The following RP1 variants were observed in gnomAD, a reference collection of about 807,000 sequenced individuals.
RP1 encodes the protein oxygen-regulated protein 1.
Under a neutral mutation model 14.8 loss-of-function variants are expected in RP1, and 16 were observed. The observed-to-expected ratio is 1.08, with a 90% CI of 0.73 to 1.65. RP1 has a LOEUF of 1.65. Ranked by LOEUF, RP1 falls within the 40% of genes most tolerant of loss-of-function variation. The pLI is 0.00. For missense variants in RP1, 2,631 were observed against 2,535.0 expected, an observed-to-expected ratio of 1.04 and a Z score of -0.81; for synonymous variants, 876 against 883.6, an observed-to-expected ratio of 0.99 and a Z score of 0.15.
At chr8:54,789,883 C>T (rs1810418679) in intron 24 of RP1, among the ~76,000 whole-genome samples, 1 of 152,170 alleles carries the variant, frequency 6.6e-6, no homozygotes, top group Admixed American at 6.5e-5. Context: ...AGCCTTGACC[C>T]TACCCAATTG....
upstream of RP1, among the ~76,000 whole-genome samples, chr8:54,615,226 C>A (rs986770605): frequency 1.3e-5 from 2 of 152,168 alleles, no homozygotes; most frequent in Non-Finnish European, 2.9e-5. Context: ...AGGTGGCCTG[C>A]AACAAAGTCA....
At chr8:54,738,235 A>T (rs1808986734) in intron 18 of RP1, among the ~76,000 whole-genome samples, 1 of 152,234 alleles carries the variant, frequency 6.6e-6, no homozygotes. Context: ...AATTGAAGAT[A>T]AGAGAAGTAA....
chr8:54,707,472 A>G (rs1057310966), intron 15 of RP1, among the ~76,000 whole-genome samples: 1 of 152,210 alleles, frequency 6.6e-6, no homozygotes, highest in Non-Finnish European at 1.5e-5. Context: ...GTGGAAGACA[A>G]CTAACATAAC....
chr8:54,849,115 G>A (rs1812001013), intron 25 of RP1, among the ~76,000 whole-genome samples: 1 of 152,060 alleles, frequency 6.6e-6, no homozygotes, highest in East Asian at 1.9e-4. Flanking sequence ...ACTAAGCCAG[G>A]TCAACCATTC....
intron 15 of RP1, among the ~76,000 whole-genome samples, chr8:54,715,802 A>G (rs1437927797): frequency 1.3e-5 from 2 of 152,250 alleles, no homozygotes; most frequent in Non-Finnish European, 2.9e-5. Context: ...TGAAATGCAG[A>G]AACTGCTCGT....
intron 1 of RP1, among the ~76,000 whole-genome samples, chr8:54,581,027 T>G (rs908324033): frequency 1.3e-5 from 2 of 152,186 alleles, no homozygotes; most frequent in African/African-American, 4.8e-5. Flanking sequence ...TATTATACTT[T>G]AAGTTTTAAG....
chr8:54,779,509 T>C (rs1810129968), intron 23 of RP1, among the ~76,000 whole-genome samples: 1 of 152,164 alleles, frequency 6.6e-6, no homozygotes, highest in South Asian at 2.1e-4. Flanking sequence ...GTTTCTATAT[T>C]CAAAAACAGG....
intron 28 of RP1, among the ~76,000 whole-genome samples, chr8:54,868,924 G>A (rs1470411438): frequency 6.6e-6 from 1 of 152,072 alleles, no homozygotes; most frequent in East Asian, 1.9e-4. Flanking sequence ...TGTTGTGGGA[G>A]CCTCTAAGAT....
intron 3 of RP1, among the ~76,000 whole-genome samples, chr8:54,645,176 G>A (rs924287230): frequency 2.0e-5 from 3 of 152,124 alleles, no homozygotes; most frequent in African/African-American, 7.2e-5. Context: ...TCTGGCTATT[G>A]TGAGTAAAAC....
intron 24 of RP1, among the ~76,000 whole-genome samples, chr8:54,814,262 GA>G (rs2129394340): frequency 6.6e-6 from 1 of 152,266 alleles, no homozygotes; most frequent in African/African-American, 2.4e-5. Context: ...TTGTAACTCT[GA>G]AAATGAATGG....
chr8:54,626,755 A>C lies in RP1; in HGVS notation c.2873A>C (p.His958Pro), dbSNP rs754138300. The change falls in exon 4 of 4, where the codon CAT (histidine) becomes CCT (proline). Residue 958 changes from histidine to proline, a missense_variant. Coordinates refer to ENST00000220676, the MANE Select transcript of RP1 (RefSeq NM_006269.2). ...SNNSFSGNDPHTNSGKISNFV... is the reference protein window; with the variant it reads ...SNNSFSGNDPPTNSGKISNFV... ...AATAGTTTTTCAGGGAATGATCCCC[A>C]TACAAATTCTGGAAAAATAAGTAAT... The C allele has an allele frequency of 2.9e-5, 46 of 1,613,812 alleles. No homozygotes were observed. Among genetic ancestry groups the C allele is most frequent in the Non-Finnish European group, 3.4e-5 (40 of 1,179,946 alleles).
chr8:54,849,258 T>C (rs6999815), intron 25 of RP1, among the ~76,000 whole-genome samples: 49 of 152,170 alleles, frequency 3.2e-4, no homozygotes, highest in African/African-American at 1.1e-3. Flanking sequence ...TACATTGTAT[T>C]TTCTGTTTTT....
At position 54,627,436 on chromosome 8, in the gene RP1, A is replaced by G. The variant is rs746009557; in HGVS notation, c.3554A>G (p.Asn1185Ser). ...EADDLKAAVA[N>S]LVESTTSHFG... ...GATGACTTGAAAGCTGCTGTTGCCA[A>G]TTTAGTGGAGTCAACTACAAGCCAC... The change falls in exon 4 of 4, where the codon AAT (asparagine) becomes AGT (serine). Residue 1185 changes from asparagine to serine, a missense_variant. Transcript: ENST00000220676. 1 of 1,614,192 alleles carries G rather than the reference A, an allele frequency of 6.2e-7. No homozygotes were observed. Among genetic ancestry groups the G allele is most frequent in the Non-Finnish European group, 8.5e-7 (1 of 1,179,994 alleles).
At position 54,630,411 on chromosome 8, in the gene RP1, CAT is replaced by C; in HGVS notation, c.*59_*60del. 6.9e-6 allele frequency: 11 copies of C among 1,603,078 alleles called. No homozygotes were observed. The highest frequency in any genetic ancestry group is 8.5e-6 in the Non-Finnish European group (10 of 1,173,766). On this transcript the variant is annotated 3_prime_UTR_variant, in exon 4 of 4. Coordinates refer to ENST00000220676, the MANE Select transcript of RP1 (RefSeq NM_006269.2). ...TCATTTTTTCCCATGAGATGAAGCA[CAT>C]GTGACGAATACGGACTAGATAACCT...
At chr8:54,618,302 G>T (rs1585555327) in intron 1 of RP1, among the ~76,000 whole-genome samples, 1 of 152,070 alleles carries the variant, frequency 6.6e-6, no homozygotes, top group South Asian at 2.1e-4. Flanking sequence ...CTGCTTCTTT[G>T]CTCCTATTGT....
intron 19 of RP1, among the ~76,000 whole-genome samples, chr8:54,740,864 G>C (rs1331216185): frequency 6.6e-6 from 1 of 151,962 alleles, no homozygotes; most frequent in African/African-American, 2.4e-5. Context: ...GGCTAACATG[G>C]TGAAACCCCA....
At chr8:54,726,236 A>G in intron 16 of RP1, 1 of 1,251,644 alleles carries the variant, frequency 8.0e-7, no homozygotes, top group South Asian at 1.8e-5. Context: ...AGGCATTGAA[A>G]TGGAAACAAT....
chr8:54,814,399 C>G (rs138999978), intron 24 of RP1, among the ~76,000 whole-genome samples: 118 of 152,224 alleles, frequency 7.8e-4, no homozygotes, highest in Middle Eastern at 3.4e-3. Context: ...ACTGTACTGT[C>G]CCTTGAAAGT....
At chr8:54,822,546 ATTTAT>A (rs1318428238) in intron 24 of RP1, among the ~76,000 whole-genome samples, 2 of 152,216 alleles carry the variant, frequency 1.3e-5, no homozygotes, top group Admixed American at 1.3e-4. Flanking sequence ...CAAACTGCAC[ATTTAT>A]TTTATGGATA....
Sources: gnomAD v4.1 joint callset for allele counts (sites outside exome capture counted in the v4.1 genomes callset) on GRCh38, gnomAD v4.1.1 for gene constraint, MANE v1.5 for transcripts, NCBI Gene and HGNC (gene_info 2026-07-23, HGNC 2026-07-21) for gene names.